The following TBC1D22A variants were observed in gnomAD, a reference collection of about 807,000 sequenced individuals.
TBC1D22A encodes putative GTPase activator.
Under a neutral mutation model 60.2 loss-of-function variants are expected in TBC1D22A, and 38 were observed. That is an observed-to-expected ratio of 0.63 (90% CI 0.49 to 0.83). TBC1D22A has a LOEUF of 0.83. Among genes scored for constraint, TBC1D22A ranks in the 40% least tolerant of loss-of-function variants. The pLI, the probability that TBC1D22A is intolerant of heterozygous loss-of-function variation, is 0.00. For synonymous variants in TBC1D22A, 302 were observed against 281.7 expected (o/e 1.07, Z -0.72); for missense variants, 628 against 701.0 (o/e 0.90, Z 1.18).
At chr22:46,826,039 C>T (rs1000889218) in intron 4 of TBC1D22A, among the ~76,000 whole-genome samples, 18 of 151,904 alleles carry the variant, frequency 1.2e-4, no homozygotes, top group Non-Finnish European at 2.1e-4. Flanking sequence ...CCCACCACCA[C>T]GCCTGGCTAA....
At chr22:47,000,610 A>T (rs2075279196) in intron 10 of TBC1D22A, among the ~76,000 whole-genome samples, 1 of 152,184 alleles carries the variant, frequency 6.6e-6, no homozygotes, top group Non-Finnish European at 1.5e-5. Context: ...GCAAGCCCGC[A>T]GATGGGGAAC....
At chr22:46,837,287 CAATAAT>C (rs1398523150) in intron 4 of TBC1D22A, among the ~76,000 whole-genome samples, 4 of 152,060 alleles carry the variant, frequency 2.6e-5, no homozygotes, top group African/African-American at 9.7e-5. Flanking sequence ...AATAGCAATA[CAATAAT>C]AATAAGGGAT....
At chr22:46,944,430 G>A (rs550365337) in intron 8 of TBC1D22A, among the ~76,000 whole-genome samples, 4 of 152,082 alleles carry the variant, frequency 2.6e-5, no homozygotes, top group African/African-American at 9.6e-5. Flanking sequence ...ACGGAGTCTT[G>A]CTCCGTCTCC....
At chr22:46,970,306 G>A (rs554152792) in intron 8 of TBC1D22A, among the ~76,000 whole-genome samples, 6 of 152,026 alleles carry the variant, frequency 3.9e-5, no homozygotes, top group African/African-American at 1.4e-4. Flanking sequence ...TCTGCTTCCT[G>A]TCTCTGCTTT....
chr22:47,024,025 A>G (rs1482285224), intron 10 of TBC1D22A, among the ~76,000 whole-genome samples: 2 of 152,232 alleles, frequency 1.3e-5, no homozygotes, highest in African/African-American at 4.8e-5. Flanking sequence ...TGGGTTTTCT[A>G]ACACATGCCG....
At chr22:46,824,925 G>C (rs921611207) in intron 4 of TBC1D22A, among the ~76,000 whole-genome samples, 2 of 151,910 alleles carry the variant, frequency 1.3e-5, no homozygotes, top group Non-Finnish European at 2.9e-5. Context: ...CAAGTGGGCA[G>C]CTGGACACAG....
At chr22:46,975,221 AGTGGC>A (rs2074248900) in intron 9 of TBC1D22A, among the ~76,000 whole-genome samples, 1 of 152,076 alleles carries the variant, frequency 6.6e-6, no homozygotes, top group African/African-American at 2.4e-5. Context: ...ACCCGGGCAT[AGTGGC>A]GAGTAAGGGT....
chr22:46,883,288 A>G (rs1460718230), intron 5 of TBC1D22A, among the ~76,000 whole-genome samples: 1 of 152,242 alleles, frequency 6.6e-6, no homozygotes, highest in Non-Finnish European at 1.5e-5. Context: ...GACAATTTAG[A>G]TATAAGTATA....
At chr22:46,975,896 A>C (rs950225585) in intron 9 of TBC1D22A, among the ~76,000 whole-genome samples, 2 of 152,208 alleles carry the variant, frequency 1.3e-5, no homozygotes, top group South Asian at 2.1e-4. Context: ...CCTCGTATCT[A>C]TTGGCTGGTC....
At chr22:46,826,333 C>T (rs753788144) in intron 4 of TBC1D22A, among the ~76,000 whole-genome samples, 1 of 152,194 alleles carries the variant, frequency 6.6e-6, no homozygotes, top group Non-Finnish European at 1.5e-5. Context: ...CCAAGTTTTT[C>T]CCATTAAACA....
chr22:47,074,825 G>A (rs1021679705), intron 11 of TBC1D22A, among the ~76,000 whole-genome samples: 1 of 152,180 alleles, frequency 6.6e-6, no homozygotes, highest in Non-Finnish European at 1.5e-5. Context: ...GCCTGGCTGC[G>A]AGGGTCCTTT....
chr22:46,793,813 C>A lies in TBC1D22A; in HGVS notation c.432C>A (p.Val144=). 1 of 1,592,474 alleles carries A rather than the reference C, an allele frequency of 6.3e-7. No individual in the cohort carries two copies. The highest frequency in any genetic ancestry group is 8.5e-7 in the Non-Finnish European group (1 of 1,170,068). Residue 144 remains valine, a synonymous_variant, in exon 3 of 13, where the codon GTC becomes GTA. Transcript: ENST00000337137. ...PSGDLRLVKS[V]SESHTSCPAE... Reference sequence around the variant, plus strand: ...GCGACCTCCGGCTGGTGAAGTCGGTCAGTGAGAGCCACACGTCCTGTCCTG... The same window carrying A: ...GCGACCTCCGGCTGGTGAAGTCGGTAAGTGAGAGCCACACGTCCTGTCCTG...
At chr22:46,950,546 C>T (rs1382025813) in intron 8 of TBC1D22A, among the ~76,000 whole-genome samples, 1 of 152,186 alleles carries the variant, frequency 6.6e-6, no homozygotes, top group Non-Finnish European at 1.5e-5. Flanking sequence ...TTAGGGCCCA[C>T]TGGTTCCCAC....
At chr22:46,951,290 A>G (rs1206207688) in intron 8 of TBC1D22A, among the ~76,000 whole-genome samples, 2 of 152,232 alleles carry the variant, frequency 1.3e-5, no homozygotes, top group Non-Finnish European at 2.9e-5. Context: ...TATTATTACA[A>G]TAATAATACA....
intron 11 of TBC1D22A, among the ~76,000 whole-genome samples, chr22:47,038,173 A>G (rs952557795): frequency 1.3e-5 from 2 of 152,190 alleles, no homozygotes; most frequent in African/African-American, 4.8e-5. Flanking sequence ...GGGATTAGGA[A>G]TCAAATCTCT....
At position 46,851,994 on chromosome 22, in the gene TBC1D22A, A is replaced by G. The variant is rs544242952; in HGVS notation, c.638-26659A>G. 3.9e-5 allele frequency among the ~76,000 whole-genome samples: 6 copies of G among 152,338 alleles called. No homozygotes were observed. In the East Asian group the frequency reaches 7.7e-4, roughly 20 times the overall value. On this transcript the variant is annotated intron_variant, in intron 4 of 12. Coordinates refer to ENST00000337137, the MANE Select transcript of TBC1D22A (RefSeq NM_014346.5). Reference sequence around the variant, plus strand: ...TTGTGCATTTGGGTTTGATGAAGACAGGAGGCTTTTCCTTGGACAAACTGG... The same window carrying G: ...TTGTGCATTTGGGTTTGATGAAGACGGGAGGCTTTTCCTTGGACAAACTGG...
chr22:46,822,418 G>GT (rs1261594784), intron 4 of TBC1D22A, among the ~76,000 whole-genome samples: 3 of 151,814 alleles, frequency 2.0e-5, no homozygotes, highest in Admixed American at 1.3e-4. Context: ...CTTAGTTGGG[G>GT]TTTTTTTTGG....
chr22:46,995,367 C>T (rs1039358495), intron 9 of TBC1D22A, among the ~76,000 whole-genome samples: 2 of 152,208 alleles, frequency 1.3e-5, no homozygotes, highest in Admixed American at 6.5e-5. Flanking sequence ...AGCAAGCCGG[C>T]AGGTCTGACT....
At chr22:46,822,131 G>A (rs924911496) in intron 4 of TBC1D22A, among the ~76,000 whole-genome samples, 1 of 151,956 alleles carries the variant, frequency 6.6e-6, no homozygotes, top group African/African-American at 2.4e-5. Flanking sequence ...CTAGTTAGCA[G>A]TTCCTCTCAC....
Sources: allele counts gnomAD v4.1 joint callset (sites outside exome capture counted in the v4.1 genomes callset), GRCh38; gene constraint gnomAD v4.1.1; transcripts MANE v1.5; gene names NCBI Gene and HGNC (gene_info 2026-07-23, HGNC 2026-07-21).